Variants in TAFA2 observed in about 807,000 individuals in gnomAD.
The protein encoded by TAFA2 is chemokine-like protein TAFA-2.
TAFA2 carries 7 observed loss-of-function variants against 18.8 expected under a neutral mutation model. The observed-to-expected ratio is 0.37, with a 90% CI of 0.21 to 0.70. TAFA2 has a LOEUF of 0.70. Ranked by LOEUF, TAFA2 falls within the 30% of genes least tolerant of loss-of-function variation. The probability of loss-of-function intolerance (pLI) is 0.53; values close to 1 mark genes in which losing one functional copy is unlikely to be tolerated. For synonymous variants in TAFA2, 60 were observed against 54.2 expected, an observed-to-expected ratio of 1.11 and a Z score of -0.47; for missense variants, 122 against 158.1, an observed-to-expected ratio of 0.77 and a Z score of 1.23.
intron 1 of TAFA2, among the ~76,000 whole-genome samples, chr12:62,174,209 A>ACACGCCTGTAGTCCCAGCTACTCG: frequency 6.6e-6 from 1 of 152,256 alleles, no homozygotes; most frequent in East Asian, 1.9e-4. Flanking sequence ...CCAGCTACTC[A>ACACGCCTGTAGTCCCAGCTACTCG]GGAGGCTGAG....
At chr12:61,877,187 T>C (rs763028583) in intron 1 of TAFA2, among the ~76,000 whole-genome samples, 6 of 152,224 alleles carry the variant, frequency 3.9e-5, no homozygotes, top group Non-Finnish European at 8.8e-5. Context: ...CATATTGCTT[T>C]CTGACTTGCT....
chr12:61,842,377 A>AT (rs908030717), intron 2 of TAFA2, among the ~76,000 whole-genome samples: 26 of 149,600 alleles, frequency 1.7e-4, no homozygotes, highest in Middle Eastern at 3.4e-3. Context: ...ATGTTTTTTT[A>AT]TTTTTTTTTT....
rs1225915433 is a variant in TAFA2, at chr12:62,057,808, A to G, written c.-2+133451T>C. On this transcript the variant is annotated intron_variant, in intron 1 of 4. Coordinates refer to ENST00000416284, the MANE Select transcript of TAFA2 (RefSeq NM_178539.5). ...ATTTAAGTTCTATCATTTTAACCAC[A>G]CTAATTAGACATTGTTTTTATTGAT... is the stretch of plus-strand genomic sequence containing the variant. 3.3e-5 allele frequency among the ~76,000 whole-genome samples: 5 copies of G among 149,320 alleles called. 1 individual carries two copies. The South Asian group carries it at 1.1e-3, about 32-fold the overall frequency.
Position 62,155,031 on chromosome 12 carries a change from T to G in TAFA2, c.-2+36228A>C, listed in dbSNP as rs542353405. Among the ~76,000 whole-genome samples the G allele has an allele frequency of 3.3e-5, 5 of 152,230 alleles. No homozygotes were observed. In the South Asian group the frequency reaches 1.0e-3, roughly 32 times the overall value. On this transcript the variant is annotated intron_variant, in intron 1 of 4. Transcript: ENST00000416284. ...TCCCTGTTTGCAGACAATGTGGTCA[T>G]TTACCTTGAAACCCCTAAAGACTCC... is the stretch of plus-strand genomic sequence containing the variant.
chr12:62,160,752 C>T (rs2062401176), intron 1 of TAFA2, among the ~76,000 whole-genome samples: 1 of 152,122 alleles, frequency 6.6e-6, no homozygotes, highest in Admixed American at 6.6e-5. Context: ...TGATTTCCTC[C>T]CACGTTCTAT....
At chr12:61,899,609 C>A (rs921639835) in intron 1 of TAFA2, among the ~76,000 whole-genome samples, 1 of 152,158 alleles carries the variant, frequency 6.6e-6, no homozygotes, top group Non-Finnish European at 1.5e-5. Context: ...CTCCATGATC[C>A]AATCACCATT....
chr12:62,121,261 G>C lies in TAFA2; in HGVS notation c.-2+69998C>G, dbSNP rs1314060270. 2.0e-5 allele frequency among the ~76,000 whole-genome samples: 3 copies of C among 152,166 alleles called. No homozygotes were observed. The East Asian group carries it at 5.8e-4, about 29-fold the overall frequency. Reference sequence around the variant, plus strand: ...TACACCAATATGAGGAAGTTAGAAAGACTTTATTCCTGCCGGGGGAGTGAG... The same window carrying C: ...TACACCAATATGAGGAAGTTAGAAACACTTTATTCCTGCCGGGGGAGTGAG... On this transcript the variant is annotated intron_variant, in intron 1 of 4. Transcript: ENST00000416284.
intron 2 of TAFA2, among the ~76,000 whole-genome samples, chr12:61,830,527 A>G (rs1375400279): frequency 6.6e-6 from 1 of 151,886 alleles, no homozygotes; most frequent in East Asian, 1.9e-4. Flanking sequence ...TCTGACTTAT[A>G]AGTGGAAGCT....
At chr12:62,041,060 C>T (rs913826876) in intron 1 of TAFA2, among the ~76,000 whole-genome samples, 6 of 152,086 alleles carry the variant, frequency 3.9e-5, no homozygotes, top group Non-Finnish European at 8.8e-5. Context: ...CATTTGTTCT[C>T]AAAACAATCT....
In TAFA2 at chr12:62,225,537, T is replaced by C. The variant is rs563821787; in HGVS notation, c.-130+33226A>G. On this transcript the variant is annotated intron_variant, in intron 1 of 5. Coordinates refer to the TAFA2 transcript ENST00000551619. ...ACTAGAAATTAATTTTTTAAATACA[T>C]GAAAAAAACCCAACAAAGTTAAAAA... 1.1e-4 allele frequency among the ~76,000 whole-genome samples: 17 copies of C among 151,954 alleles called. No individual in the cohort carries two copies. In the Middle Eastern group the frequency reaches 0.01, roughly 91 times the overall value.
chr12:61,761,904 C>T (rs1315548653), intron 2 of TAFA2, among the ~76,000 whole-genome samples: 2 of 151,986 alleles, frequency 1.3e-5, no homozygotes, highest in Non-Finnish European at 2.9e-5. Context: ...GGGGCAGTTC[C>T]TAATGGATTA....
intron 1 of TAFA2, among the ~76,000 whole-genome samples, chr12:62,055,786 A>G (rs1882173125): frequency 1.3e-5 from 2 of 152,218 alleles, no homozygotes; most frequent in East Asian, 1.9e-4. Context: ...ACAAAAGAAT[A>G]GAGATACTAG....
intron 1 of TAFA2, among the ~76,000 whole-genome samples, chr12:62,109,391 T>A (rs141493970): frequency 0.051 from 7,749 of 152,300 alleles, 297 homozygotes; most frequent in Non-Finnish European, 0.079. Context: ...AGCCTTGTAG[T>A]ATAGTTTGAA....
chr12:62,232,075 T>C (rs2062813951), intron 1 of TAFA2, among the ~76,000 whole-genome samples: 1 of 152,198 alleles, frequency 6.6e-6, no homozygotes, highest in African/African-American at 2.4e-5. Flanking sequence ...TTAAATTGGA[T>C]ATATACAAAA....
intron 2 of TAFA2, among the ~76,000 whole-genome samples, chr12:61,806,224 G>A (rs543580494): frequency 6.6e-6 from 1 of 152,234 alleles, no homozygotes; most frequent in African/African-American, 2.4e-5. Context: ...GGTGTTGTGG[G>A]AGGCACCCAG....
intron 4 of TAFA2, among the ~76,000 whole-genome samples, chr12:61,716,714 AT>A (rs1259120451): frequency 5.9e-5 from 9 of 152,324 alleles, no homozygotes; most frequent in African/African-American, 2.2e-4. Context: ...ATTGCAGTCA[AT>A]TTCATTTTAA....
chr12:61,856,187 T>G (rs550657751), intron 2 of TAFA2, among the ~76,000 whole-genome samples: 1 of 151,992 alleles, frequency 6.6e-6, no homozygotes, highest in Admixed American at 6.6e-5. Context: ...AGTAAAGAGA[T>G]AAACCTGGAT....
chr12:61,870,060 CT>C (rs1874532560), intron 1 of TAFA2, among the ~76,000 whole-genome samples: 1 of 152,126 alleles, frequency 6.6e-6, no homozygotes, highest in Non-Finnish European at 1.5e-5. Flanking sequence ...AAACTGATAA[CT>C]AGACATATGG....
At chr12:62,180,180 C>T (rs1288823416) in intron 1 of TAFA2, among the ~76,000 whole-genome samples, 23 of 152,126 alleles carry the variant, frequency 1.5e-4, no homozygotes, top group Admixed American at 1.5e-3. Context: ...CAGTACTATA[C>T]AGTACCTGAA....
Sources: allele counts gnomAD v4.1 joint callset (sites outside exome capture counted in the v4.1 genomes callset), GRCh38; gene constraint gnomAD v4.1.1; transcripts MANE v1.5; gene names NCBI Gene and HGNC (gene_info 2026-07-23, HGNC 2026-07-21).